The following PKP2 variants were observed in gnomAD, a reference collection of about 807,000 sequenced individuals.
PKP2 encodes plakophilin 2.
In PKP2, 73 loss-of-function variants were observed where a neutral mutation model predicts 83.4. The ratio of observed to expected loss-of-function variants is 0.88; its 90% confidence interval spans 0.72 to 1.06. The LOEUF (loss-of-function observed/expected upper bound fraction) is 1.06. Among genes scored for constraint, PKP2 ranks in the 50% least tolerant of loss-of-function variants. The pLI, the probability that PKP2 is intolerant of heterozygous loss-of-function variation, is 0.00. For missense variants in PKP2, 966 were observed against 1,065.4 expected (o/e 0.91, Z 1.30); for synonymous variants, 409 against 430.4 (o/e 0.95, Z 0.62).
chr12:32,892,315 CTT>C (rs375237005), intron 1 of PKP2, among the ~76,000 whole-genome samples: 20 of 137,398 alleles, frequency 1.5e-4, no homozygotes, highest in Non-Finnish European at 1.3e-4. Flanking sequence ...CCAGAATTCA[CTT>C]TTTTTTTTTT....
At chr12:32,811,951 TG>T (rs1372704842) in intron 9 of PKP2, among the ~76,000 whole-genome samples, 2 of 152,188 alleles carry the variant, frequency 1.3e-5, no homozygotes, top group African/African-American at 4.8e-5. Flanking sequence ...GAGTCATGCA[TG>T]CAGGTCTTGG....
At chr12:32,798,084 GTTTTTTT>G (rs10623676) in intron 10 of PKP2, among the ~76,000 whole-genome samples, 1 of 124,152 alleles carries the variant, frequency 8.1e-6, no homozygotes, top group Non-Finnish European at 1.6e-5. Flanking sequence ...TACTACTCTT[GTTTTTTT>G]TTTTTTTTTG....
rs1956949877 is a variant in PKP2, at chr12:32,878,049, C to T, written c.831G>A (p.Leu277=). The change falls in exon 3 of 13, where the codon CTG becomes CTA. Residue 277 remains leucine (L), a synonymous_variant. Transcript: ENST00000340811. ...AAGCCCTGTTCTGAGTGACGGGCTG[C>T]AGGGGCACCAGCGGCCTGACCTGCC... The part of the protein sequence containing the change: ...TVGQVRPLVP[L]QPVTQNRASR... 1 of 1,613,960 alleles carries T rather than the reference C, an allele frequency of 6.2e-7. No homozygotes were observed. The highest frequency in any genetic ancestry group is 8.5e-7 in the Non-Finnish European group (1 of 1,180,042).
rs1956121729 is a variant in PKP2, at chr12:32,796,229, T to C, written c.2237A>G (p.Glu746Gly). ...DTVPSTDLLI[E>G]TTASACYTLN... ...TGTGTAACAGGCAGAGGCTGTAGTT[T>C]CAATGAGAAGGTCAGTACTCGGGAC... The change falls in exon 11 of 13, where the codon GAA becomes GGA. Residue 746 changes from glutamate (E) to glycine (G), a missense_variant. By Grantham distance (98) the Glu-to-Gly change is moderately conservative. Coordinates refer to ENST00000340811, the MANE Select transcript of PKP2 (RefSeq NM_001005242.3). The C allele has an allele frequency of 6.2e-7, 1 of 1,613,604 alleles. No homozygotes were observed. Among genetic ancestry groups the C allele is most frequent in the Admixed American group, 1.7e-5 (1 of 59,982 alleles).
At chr12:32,829,120 C>G (rs1956472772) in intron 6 of PKP2, among the ~76,000 whole-genome samples, 1 of 152,092 alleles carries the variant, frequency 6.6e-6, no homozygotes, top group Non-Finnish European at 1.5e-5. Flanking sequence ...TTTGTACAGA[C>G]AGAGTCTATG....
In PKP2 at chr12:32,853,508, C is replaced by CTT. The variant is rs71447625; in HGVS notation, c.1171-2537_1171-2536dup. On this transcript the variant is annotated intron_variant, in intron 4 of 12. Transcript: ENST00000340811. Reference sequence around the variant, plus strand: ...GGTAAGGTTTTAAGGTAAATTCATACTTTTTTTTTTTTTTTTGAGACGGAG... The same window carrying CTT: ...GGTAAGGTTTTAAGGTAAATTCATACTTTTTTTTTTTTTTTTTTGAGACGGAG... Among the ~76,000 whole-genome samples the CTT allele has an allele frequency of 1.5e-3, 206 of 138,114 alleles. 1 individual carries two copies. Among genetic ancestry groups the CTT allele is most frequent in the Admixed American group, 2.0e-3 (28 of 13,730 alleles). The allele number at this position is 138,114 out of a possible 152,430, so 90.6% of individuals were successfully genotyped here.
At chr12:32,843,126 C>G (rs927449947) in intron 5 of PKP2, 10 of 413,394 alleles carry the variant, frequency 2.4e-5, no homozygotes, top group African/African-American at 2.0e-4. Flanking sequence ...ATTACAGGCG[C>G]AGACCACGAC....
chr12:32,842,234 C>T (rs1437303043), intron 5 of PKP2, among the ~76,000 whole-genome samples: 3 of 151,926 alleles, frequency 2.0e-5, no homozygotes, highest in African/African-American at 4.8e-5. Context: ...AAAGTTGCCT[C>T]GTCATCTTTC....
intron 9 of PKP2, among the ~76,000 whole-genome samples, chr12:32,818,528 G>A (rs1019309316): frequency 1.2e-4 from 19 of 152,188 alleles, no homozygotes; most frequent in African/African-American, 4.3e-4. Flanking sequence ...ACTATACAAT[G>A]TTTAATCTTT....
chr12:32,811,641 C>T (rs565596737), intron 9 of PKP2, among the ~76,000 whole-genome samples: 3 of 152,196 alleles, frequency 2.0e-5, no homozygotes, highest in Non-Finnish European at 4.4e-5. Context: ...TCCGCACTTT[C>T]AATACATGAT....
chr12:32,800,800 C>T (rs1956171578), intron 10 of PKP2, among the ~76,000 whole-genome samples: 1 of 152,182 alleles, frequency 6.6e-6, no homozygotes, highest in South Asian at 2.1e-4. Context: ...GAGATACAAA[C>T]CCATGTTTTC....
intron 3 of PKP2, among the ~76,000 whole-genome samples, chr12:32,873,531 A>G (rs758561348): frequency 6.6e-6 from 1 of 151,590 alleles, no homozygotes; most frequent in South Asian, 2.1e-4. Flanking sequence ...TCTTTTATTT[A>G]TTTAATTATT....
intron 3 of PKP2, among the ~76,000 whole-genome samples, chr12:32,874,363 G>A (rs995373024): frequency 1.3e-5 from 2 of 152,044 alleles, no homozygotes; most frequent in African/African-American, 2.4e-5. Flanking sequence ...GGTCAGACAG[G>A]CACAGGCACC....
chr12:32,799,621 A>G (rs1020636658), intron 10 of PKP2, among the ~76,000 whole-genome samples: 1 of 152,192 alleles, frequency 6.6e-6, no homozygotes, highest in Non-Finnish European at 1.5e-5. Context: ...GAAAGACATA[A>G]TGGCCTTTGC....
At chr12:32,896,388 A>C in intron 1 of PKP2, 121 bp downstream of exon 1, 1 of 696,760 alleles carries the variant, frequency 1.4e-6, no homozygotes, top group Non-Finnish European at 2.2e-6. Flanking sequence ...GAAGACGGCG[A>C]GCAACAGGTG....
Position 32,878,865 on chromosome 12 carries a change from A to G in PKP2, c.336+55T>C, listed in dbSNP as rs190636501. 4,894 of 963,598 alleles carry G rather than the reference A, an allele frequency of 5.1e-3. 30 individuals are homozygous for G. The highest frequency in any genetic ancestry group is 9.1e-3 in the Middle Eastern group (29 of 3,182). 59.7% of individuals were successfully genotyped at this position (963,598 alleles called of 1,614,324 possible). ...TCAAAAATAATCTTAGGAAGTTTGAAAATATTTTCATGGTAGTAATCTGAT... is the reference window on the plus strand; with the variant it reads ...TCAAAAATAATCTTAGGAAGTTTGAGAATATTTTCATGGTAGTAATCTGAT... On this transcript the variant is annotated intron_variant, in intron 2 of 12. Coordinates refer to ENST00000340811, the MANE Select transcript of PKP2 (RefSeq NM_001005242.3).
At chr12:32,861,052 C>CAAACAAACAAAG (rs1342455775) in intron 4 of PKP2, among the ~76,000 whole-genome samples, 7 of 151,474 alleles carry the variant, frequency 4.6e-5, no homozygotes, top group Non-Finnish European at 3.0e-5. Context: ...AACAAACAAA[C>CAAACAAACAAAG]AAAGCAGAAT....
intron 9 of PKP2, among the ~76,000 whole-genome samples, chr12:32,819,247 C>T (rs1386786902): frequency 6.6e-6 from 1 of 151,412 alleles, no homozygotes; most frequent in Non-Finnish European, 1.5e-5. Context: ...CACTGGATTC[C>T]AGCCTGGGCA....
At chr12:32,846,131 T>G (rs753834336) in intron 5 of PKP2, among the ~76,000 whole-genome samples, 1 of 152,172 alleles carries the variant, frequency 6.6e-6, no homozygotes, top group Non-Finnish European at 1.5e-5. Context: ...TCATATGTAA[T>G]GAAAGAGGGA....
Sources: gnomAD v4.1 joint callset for allele counts (sites outside exome capture counted in the v4.1 genomes callset) on GRCh38, gnomAD v4.1.1 for gene constraint, MANE v1.5 for transcripts, NCBI Gene and HGNC (gene_info 2026-07-23, HGNC 2026-07-21) for gene names.